Variants in SHTN1 observed in about 807,000 individuals in gnomAD.
The protein encoded by SHTN1 is shootin-1.
A neutral mutation model predicts 83.1 loss-of-function variants in SHTN1; 42 were observed. That is an observed-to-expected ratio of 0.51 (90% CI 0.39 to 0.65). The LOEUF is 0.65. Among genes scored for constraint, SHTN1 ranks in the 30% least tolerant of loss-of-function variants. The pLI is 0.00. For missense variants in SHTN1, 622 were observed against 737.8 expected (o/e 0.84, Z 1.82); for synonymous variants, 224 against 247.7 (o/e 0.90, Z 0.90).
At chr10:117,051,102 G>T (rs779816083) in intron 1 of SHTN1, among the ~76,000 whole-genome samples, 127 of 152,058 alleles carry the variant, frequency 8.4e-4, no homozygotes, top group Non-Finnish European at 5.3e-4. Context: ...ATAAATAAAA[G>T]GATTATAAGG....
At chr10:116,924,122 T>C (rs989809942) in intron 11 of SHTN1, among the ~76,000 whole-genome samples, 1 of 152,222 alleles carries the variant, frequency 6.6e-6, no homozygotes, top group Admixed American at 6.5e-5. Flanking sequence ...TTAGAAATTC[T>C]AATTTACACA....
intron 2 of SHTN1, among the ~76,000 whole-genome samples, chr10:117,022,069 T>C (rs2133565024): frequency 6.6e-6 from 1 of 152,328 alleles, no homozygotes; most frequent in African/African-American, 2.4e-5. Context: ...CATTAATTCC[T>C]GCTTGAGTTT....
At chr10:117,016,600 TTTTACTA>T (rs1321992402) in intron 2 of SHTN1, among the ~76,000 whole-genome samples, 1 of 151,982 alleles carries the variant, frequency 6.6e-6, no homozygotes, top group Non-Finnish European at 1.5e-5. Context: ...AGAGGCAGGG[TTTTACTA>T]TGCTGGCCAG....
chr10:117,013,905 C>T (rs1021086913), intron 2 of SHTN1, among the ~76,000 whole-genome samples: 3 of 151,890 alleles, frequency 2.0e-5, no homozygotes, highest in Admixed American at 6.6e-5. Flanking sequence ...ATATATCTTC[C>T]AAATATGTGT....
intron 12 of SHTN1, among the ~76,000 whole-genome samples, chr10:116,917,303 T>C (rs976021125): frequency 1.5e-4 from 23 of 152,192 alleles, no homozygotes; most frequent in African/African-American, 5.5e-4. Flanking sequence ...CCTGAGAATT[T>C]AGAAAATACT....
intron 1 of SHTN1, among the ~76,000 whole-genome samples, chr10:116,986,259 A>ATC (rs1851214734): frequency 2.0e-5 from 3 of 152,212 alleles, no homozygotes; most frequent in Non-Finnish European, 4.4e-5. Flanking sequence ...TCTTCCTAAG[A>ATC]TATATCAAAT....
At position 117,054,130 on chromosome 10, in the gene SHTN1, G is replaced by A. The variant is rs1190473649; in HGVS notation, c.-188-5620C>T. ...ATTGAATGGATCCCTGCTTAGCCAG[G>A]GAATCCCAGAGAAATTGAATTCCCT... On this transcript the variant is annotated intron_variant, in intron 1 of 17. Coordinates refer to the SHTN1 transcript ENST00000392901. Among the ~76,000 whole-genome samples, 4 of 152,122 alleles carry A rather than the reference G, an allele frequency of 2.6e-5. No homozygotes were observed. The East Asian group carries it at 5.8e-4, about 22-fold the overall frequency.
At chr10:117,030,116 T>C (rs1287914395) in intron 2 of SHTN1, among the ~76,000 whole-genome samples, 2 of 152,154 alleles carry the variant, frequency 1.3e-5, no homozygotes, top group African/African-American at 4.8e-5. Context: ...CTTGATCTCT[T>C]GACCTCGTGA....
chr10:116,955,155 G>A (rs940585909), intron 4 of SHTN1, among the ~76,000 whole-genome samples: 16 of 147,760 alleles, frequency 1.1e-4, no homozygotes, highest in Non-Finnish European at 2.2e-4. Flanking sequence ...TTTTATTCCC[G>A]GACAGGGAAA....
intron 11 of SHTN1, among the ~76,000 whole-genome samples, chr10:116,925,657 G>C (rs1848720654): frequency 6.6e-6 from 1 of 152,104 alleles, no homozygotes; most frequent in African/African-American, 2.4e-5. Flanking sequence ...TCTAAAAAAA[G>C]CACTTAATAG....
rs553159496 is a variant in SHTN1 at position 116,901,378 on chromosome 10, C to T, written c.1673+387G>A. On this transcript the variant is annotated intron_variant, in intron 16 of 16. Coordinates refer to ENST00000355371, the MANE Select transcript of SHTN1 (RefSeq NM_001127211.3). Reference sequence around the variant, plus strand: ...AAGAAGGTTGTAAAAACGTGCCCTTCTAAGTAGTCTCTGAAAGATCTAGTA... The same window carrying T: ...AAGAAGGTTGTAAAAACGTGCCCTTTTAAGTAGTCTCTGAAAGATCTAGTA... The T allele has an allele frequency of 1.2e-4, 118 of 985,228 alleles. 1 individual carries two copies. Among genetic ancestry groups the T allele is most frequent in the Admixed American group, 9.2e-4 (15 of 16,258 alleles). 61.0% of individuals were successfully genotyped at this position (985,228 alleles called of 1,614,324 possible).
intron 2 of SHTN1, among the ~76,000 whole-genome samples, chr10:117,029,114 G>A (rs936552990): frequency 6.6e-6 from 1 of 152,224 alleles, no homozygotes; most frequent in African/African-American, 2.4e-5. Context: ...ATATCAGTGT[G>A]CCCTGGATGT....
intron 16 of SHTN1, among the ~76,000 whole-genome samples, chr10:116,895,241 G>A (rs758631039): frequency 6.6e-6 from 1 of 151,966 alleles, no homozygotes; most frequent in Non-Finnish European, 1.5e-5. Flanking sequence ...TGACTTCTGG[G>A]AAAAAACTAT....
At chr10:116,949,646 C>G (rs1184049795) in intron 6 of SHTN1, among the ~76,000 whole-genome samples, 1 of 151,962 alleles carries the variant, frequency 6.6e-6, no homozygotes, top group African/African-American at 2.4e-5. Context: ...CACATGTGCC[C>G]TAGAACTTAA....
intron 2 of SHTN1, among the ~76,000 whole-genome samples, chr10:117,045,107 A>G (rs190546544): frequency 6.6e-6 from 1 of 152,330 alleles, no homozygotes; most frequent in East Asian, 1.9e-4. Flanking sequence ...GGAAATTTGT[A>G]TTATTTCTGA....
intron 1 of SHTN1, among the ~76,000 whole-genome samples, chr10:117,116,451 A>G (rs1473456279): frequency 1.3e-5 from 2 of 152,126 alleles, no homozygotes; most frequent in African/African-American, 4.8e-5. Flanking sequence ...AAAGCCCTGA[A>G]CCTGATGACT....
At chr10:117,000,410 T>C (rs1851782569) in intron 1 of SHTN1, among the ~76,000 whole-genome samples, 1 of 152,164 alleles carries the variant, frequency 6.6e-6, no homozygotes, top group Non-Finnish European at 1.5e-5. Context: ...TTAAGTATCA[T>C]CTCAATAATC....
chr10:116,886,836 C>T (rs1847179589), intron 16 of SHTN1, among the ~76,000 whole-genome samples: 2 of 152,200 alleles, frequency 1.3e-5, no homozygotes, highest in Non-Finnish European at 2.9e-5. Context: ...CACCTACCTG[C>T]TTAATTGCAT....
chr10:117,062,546 G>T (rs568772054), intron 1 of SHTN1, among the ~76,000 whole-genome samples: 1 of 152,182 alleles, frequency 6.6e-6, no homozygotes, highest in Non-Finnish European at 1.5e-5. Context: ...TGTCAGCAAG[G>T]CCATTTATCA....
Sources: gnomAD v4.1 joint callset for allele counts (sites outside exome capture counted in the v4.1 genomes callset) on GRCh38, gnomAD v4.1.1 for gene constraint, MANE v1.5 for transcripts, NCBI Gene and HGNC (gene_info 2026-07-23, HGNC 2026-07-21) for gene names.